Variants in CAMKMT observed in about 807,000 individuals in gnomAD.
CAMKMT encodes the protein CaM KMT.
Under a neutral mutation model 48.0 loss-of-function variants are expected in CAMKMT, and 53 were observed. That is an observed-to-expected ratio of 1.10 (90% CI 0.89 to 1.39). The LOEUF (loss-of-function observed/expected upper bound fraction) is 1.39. Among genes scored for constraint, CAMKMT ranks in the 40% most tolerant of loss-of-function variants. CAMKMT has a pLI of 0.00. For missense variants in CAMKMT, 428 were observed against 402.7 expected, an observed-to-expected ratio of 1.06 and a Z score of -0.54; for synonymous variants, 165 against 152.3, an observed-to-expected ratio of 1.08 and a Z score of -0.61.
intron 3 of CAMKMT, among the ~76,000 whole-genome samples, chr2:44,554,868 G>C (rs920741592): frequency 2.0e-5 from 3 of 152,030 alleles, no homozygotes; most frequent in African/African-American, 7.2e-5. Flanking sequence ...GAGTGAGACT[G>C]TCCTCAAAAT....
intron 9 of CAMKMT, among the ~76,000 whole-genome samples, chr2:44,754,945 G>A (rs913121164): frequency 4.6e-5 from 7 of 151,994 alleles, no homozygotes; most frequent in Non-Finnish European, 8.8e-5. Context: ...AGATAGGAAC[G>A]CATATTTATC....
chr2:44,363,588 C>G (rs1678236093), intron 1 of CAMKMT, among the ~76,000 whole-genome samples: 1 of 151,156 alleles, frequency 6.6e-6, no homozygotes, highest in Non-Finnish European at 1.5e-5. Flanking sequence ...CCATGTTTGT[C>G]AAGCTGGTCT....
intron 2 of CAMKMT, among the ~76,000 whole-genome samples, chr2:44,376,188 A>G (rs1157634091): frequency 6.6e-6 from 1 of 151,946 alleles, no homozygotes; most frequent in Non-Finnish European, 1.5e-5. Context: ...AGAAGGGTGG[A>G]TCACTTGAGC....
intron 3 of CAMKMT, among the ~76,000 whole-genome samples, chr2:44,515,043 G>T (rs182989120): frequency 2.0e-5 from 3 of 152,320 alleles, no homozygotes; most frequent in Non-Finnish European, 4.4e-5. Context: ...AAATAAAGCT[G>T]ACCTGATATA....
intron 3 of CAMKMT, among the ~76,000 whole-genome samples, chr2:44,515,197 G>C (rs1048376091): frequency 1.2e-4 from 19 of 152,192 alleles, no homozygotes; most frequent in African/African-American, 4.6e-4. Context: ...TTTGTGTTTT[G>C]AATTTCCATA....
At chr2:44,600,384 A>G (rs988955853) in intron 3 of CAMKMT, among the ~76,000 whole-genome samples, 3 of 152,008 alleles carry the variant, frequency 2.0e-5, no homozygotes, top group South Asian at 2.1e-4. Flanking sequence ...CTCCCACCTC[A>G]GCCTTCCGAG....
chr2:44,745,794 C>T (rs1254362759), intron 8 of CAMKMT, among the ~76,000 whole-genome samples: 3 of 152,062 alleles, frequency 2.0e-5, no homozygotes, highest in African/African-American at 4.8e-5. Context: ...TTCATATTCG[C>T]GGGGATGGGT....
chr2:44,422,695 T>C (rs1398324873), intron 3 of CAMKMT, among the ~76,000 whole-genome samples: 1 of 151,934 alleles, frequency 6.6e-6, no homozygotes, highest in Non-Finnish European at 1.5e-5. Context: ...AACATAAATT[T>C]CTTTTTTTTT....
chr2:44,452,765 A>G (rs1667357750), intron 3 of CAMKMT, among the ~76,000 whole-genome samples: 1 of 151,942 alleles, frequency 6.6e-6, no homozygotes, highest in Non-Finnish European at 1.5e-5. Context: ...CTAGTGAAAA[A>G]ATTTTACAAA....
At chr2:44,513,605 G>A (rs1670678738) in intron 3 of CAMKMT, among the ~76,000 whole-genome samples, 1 of 152,140 alleles carries the variant, frequency 6.6e-6, no homozygotes, top group African/African-American at 2.4e-5. Flanking sequence ...CTCCTCTCGG[G>A]ACCATAGGCC....
chr2:44,399,768 A>C (rs1558578756), intron 3 of CAMKMT, among the ~76,000 whole-genome samples: 1 of 152,114 alleles, frequency 6.6e-6, no homozygotes, highest in Non-Finnish European at 1.5e-5. Context: ...TTCTTGCAGG[A>C]GGTGAGCCTG....
At chr2:44,683,062 A>G (rs1676114282) in intron 3 of CAMKMT, among the ~76,000 whole-genome samples, 1 of 152,182 alleles carries the variant, frequency 6.6e-6, no homozygotes, top group Non-Finnish European at 1.5e-5. Context: ...ACTATTTCTA[A>G]AGATTTTATA....
intron 3 of CAMKMT, among the ~76,000 whole-genome samples, chr2:44,609,739 G>A (rs1267667471): frequency 3.9e-5 from 6 of 152,060 alleles, no homozygotes. Flanking sequence ...GTGTTTTTCT[G>A]CTTGCTATGG....
chr2:44,686,384 C>T (rs1454945605), intron 3 of CAMKMT, among the ~76,000 whole-genome samples: 1 of 140,220 alleles, frequency 7.1e-6, no homozygotes, highest in African/African-American at 2.7e-5. Flanking sequence ...CAGAGCGAGA[C>T]TCTGCCTCAA....
At chr2:44,566,856 G>A (rs977053844) in intron 3 of CAMKMT, among the ~76,000 whole-genome samples, 6 of 152,204 alleles carry the variant, frequency 3.9e-5, no homozygotes, top group Non-Finnish European at 5.9e-5. Flanking sequence ...AGTTGACACA[G>A]TCTCTTATGC....
intron 3 of CAMKMT, among the ~76,000 whole-genome samples, chr2:44,669,401 C>G (rs1211226499): frequency 1.3e-5 from 2 of 152,196 alleles, no homozygotes; most frequent in Admixed American, 6.5e-5. Flanking sequence ...TCGTACTTGG[C>G]TCCTAGCACA....
At chr2:44,398,827 G>A (rs1017466316) in intron 3 of CAMKMT, among the ~76,000 whole-genome samples, 1 of 152,048 alleles carries the variant, frequency 6.6e-6, no homozygotes, top group Admixed American at 6.6e-5. Context: ...TGTGTATATT[G>A]CACTGCTCTT....
At chr2:44,527,354 A>AAT in intron 3 of CAMKMT, among the ~76,000 whole-genome samples, 1 of 143,420 alleles carries the variant, frequency 7.0e-6, no homozygotes, top group South Asian at 2.1e-4. Context: ...ATACATATAT[A>AAT]ATATATATAC....
chr2:44,527,316 TATACATATATACATATATA>T lies in CAMKMT; in HGVS notation c.376+137034_376+137052del, dbSNP rs549278503. Among the ~76,000 whole-genome samples, 275 of 144,292 alleles carry T rather than the reference TATACATATATACATATATA, an allele frequency of 1.9e-3. 1 individual carries two copies. The highest frequency in any genetic ancestry group is 0.014 in the Middle Eastern group (4 of 276). The allele number at this position is 144,292 out of a possible 152,430, so 94.7% of individuals were successfully genotyped here. On this transcript the variant is annotated intron_variant, in intron 3 of 10. Transcript: ENST00000378494. ...ATAATATACATATATTATTATATAT[TATACATATATACATATATA>T]ATACATATATACATATATAATATAT...
Sources: allele counts gnomAD v4.1 joint callset (sites outside exome capture counted in the v4.1 genomes callset), GRCh38; gene constraint gnomAD v4.1.1; transcripts MANE v1.5; gene names NCBI Gene and HGNC (gene_info 2026-07-23, HGNC 2026-07-21).